KHDRBS2: variants seen among roughly 807,000 people sequenced by gnomAD.
KHDRBS2 encodes the protein KH RNA binding domain containing, signal transduction associated 2.
In KHDRBS2, 26 loss-of-function variants were observed where a neutral mutation model predicts 44.3. That is an observed-to-expected ratio of 0.59 (90% confidence interval 0.43 to 0.81). The LOEUF is 0.81. Ranked by LOEUF, KHDRBS2 falls within the 40% of genes least tolerant of loss-of-function variation. The pLI is 0.00. For synonymous variants in KHDRBS2, 194 were observed against 151.1 expected, an observed-to-expected ratio of 1.28 and a Z score of -2.08; for missense variants, 476 against 433.1, an observed-to-expected ratio of 1.10 and a Z score of -0.88.
chr6:62,265,557 A>C (rs183826545), intron 1 of KHDRBS2, among the ~76,000 whole-genome samples: 139 of 152,188 alleles, frequency 9.1e-4, no homozygotes, highest in African/African-American at 3.3e-3. Context: ...TAATTGAGGA[A>C]GGATTAAGAA....
rs1174545721 is a variant in KHDRBS2 at position 62,216,692 on chromosome 6, T to C, written c.92-39380A>G. On this transcript the variant is annotated intron_variant, in intron 1 of 8. Coordinates refer to ENST00000281156, the MANE Select transcript of KHDRBS2 (RefSeq NM_152688.4). The stretch of plus-strand genomic sequence containing the variant: ...CAAATAATCTAAACATATTTCTTTC[T>C]CCTCTTTTTTTTTTTTTTGTTTTAT... Among the ~76,000 whole-genome samples, 8 of 85,520 alleles carry C rather than the reference T, an allele frequency of 9.4e-5. 1 individual carries two copies. The highest frequency in any genetic ancestry group is 1.6e-4 in the Non-Finnish European group (7 of 44,368). The allele number at this position is 85,520 out of a possible 152,430, so 56.1% of individuals were successfully genotyped here. A position where few individuals can be genotyped will look rare whatever the true frequency, so the allele number is the denominator to read the frequency against.
rs1463259481 is a variant in KHDRBS2 at position 61,697,269 on chromosome 6, A to G, written c.894-16T>C. On this transcript the variant is annotated splice_polypyrimidine_tract_variant and intron_variant, in intron 7 of 8. Coordinates refer to ENST00000281156, the MANE Select transcript of KHDRBS2 (RefSeq NM_152688.4). ...TTCAGGCACACTGCAACAAATTTAG[A>G]TAGCAATCAATGTTACTATAACCAG... 6.5e-7 allele frequency: 1 copy of G among 1,529,528 alleles called. No individual in the cohort carries two copies. The highest frequency in any genetic ancestry group is 9.1e-7 in the Non-Finnish European group (1 of 1,103,340). The allele number at this position is 1,529,528 out of a possible 1,614,324, so 94.7% of individuals were successfully genotyped here. A position where few individuals can be genotyped will look rare whatever the true frequency, so the allele number is the denominator to read the frequency against.
chr6:61,947,332 G>A (rs1414454127), intron 4 of KHDRBS2, among the ~76,000 whole-genome samples: 1 of 152,118 alleles, frequency 6.6e-6, no homozygotes, highest in Non-Finnish European at 1.5e-5. Context: ...CACTGTTAAA[G>A]ATGCTGCCCA....
chr6:61,764,669 A>G, intron 6 of KHDRBS2, among the ~76,000 whole-genome samples: 1 of 151,894 alleles, frequency 6.6e-6, no homozygotes, highest in African/African-American at 2.4e-5. Flanking sequence ...TGCTGTATAT[A>G]TGTCTTCTTT....
chr6:61,787,472 TA>T (rs1282482951), intron 6 of KHDRBS2, among the ~76,000 whole-genome samples: 3 of 151,776 alleles, frequency 2.0e-5, no homozygotes, highest in African/African-American at 7.2e-5. Flanking sequence ...TCATCACAAA[TA>T]AAAACCGTGG....
chr6:62,113,432 C>T (rs1331864190), intron 2 of KHDRBS2, among the ~76,000 whole-genome samples: 1 of 152,026 alleles, frequency 6.6e-6, no homozygotes, highest in Non-Finnish European at 1.5e-5. Flanking sequence ...TTGGAGAAAT[C>T]ATTTTAGAGC....
At chr6:61,955,706 A>C (rs1767026882) in intron 4 of KHDRBS2, among the ~76,000 whole-genome samples, 1 of 109,200 alleles carries the variant, frequency 9.2e-6, no homozygotes, top group African/African-American at 3.8e-5. Context: ...GTGTATATAT[A>C]CACATATGTA....
chr6:62,240,623 T>G (rs1349932776), intron 1 of KHDRBS2, among the ~76,000 whole-genome samples: 1 of 144,314 alleles, frequency 6.9e-6, no homozygotes, highest in African/African-American at 2.5e-5. Context: ...CATATACACA[T>G]ATGTACACAC....
intron 1 of KHDRBS2, among the ~76,000 whole-genome samples, chr6:62,266,859 C>T (rs72870791): frequency 5.1e-4 from 78 of 152,010 alleles, no homozygotes; most frequent in Non-Finnish European, 1.0e-3. Flanking sequence ...TAATAGTGTA[C>T]AATATACAGA....
chr6:61,606,462 G>A, the KHDRBS2 span, among the ~76,000 whole-genome samples: 1 of 152,134 alleles, frequency 6.6e-6, no homozygotes, highest in Non-Finnish European at 1.5e-5. Flanking sequence ...AAAGGAAGGA[G>A]AAACAGGAGA....
chr6:61,978,314 C>T, intron 3 of KHDRBS2, 102 bp from the exon 4 acceptor site: 1 of 838,202 alleles, frequency 1.2e-6, no homozygotes, highest in Non-Finnish European at 1.8e-6. Context: ...GCAAATTTTC[C>T]ATAATTTGCT....
chr6:61,931,376 A>G (rs1810012407), intron 4 of KHDRBS2, among the ~76,000 whole-genome samples: 1 of 151,986 alleles, frequency 6.6e-6, no homozygotes, highest in African/African-American at 2.4e-5. Flanking sequence ...ACCCAAAAGA[A>G]ACTAAAGAAA....
chr6:62,074,477 C>A (rs934217399), intron 2 of KHDRBS2, among the ~76,000 whole-genome samples: 3 of 151,802 alleles, frequency 2.0e-5, no homozygotes, highest in East Asian at 1.9e-4. Context: ...TCCCGCCAAC[C>A]CTCACCTCTC....
At chr6:61,959,293 A>G (rs180879149) in intron 4 of KHDRBS2, among the ~76,000 whole-genome samples, 126 of 152,328 alleles carry the variant, frequency 8.3e-4, no homozygotes, top group African/African-American at 3.0e-3. Context: ...AAGTAAATCA[A>G]GTCTGGTAGC....
At chr6:61,617,388 G>T in the KHDRBS2 span, among the ~76,000 whole-genome samples, 1 of 151,668 alleles carries the variant, frequency 6.6e-6, no homozygotes, top group Non-Finnish European at 1.5e-5. Flanking sequence ...CAGTCTCATT[G>T]TCCTAGTTAT....
intron 2 of KHDRBS2, among the ~76,000 whole-genome samples, chr6:62,125,383 C>T (rs1808724926): frequency 6.6e-6 from 1 of 152,142 alleles, no homozygotes; most frequent in South Asian, 2.1e-4. Flanking sequence ...GGCTTAAGTG[C>T]TCTAGGGTCC....
chr6:62,033,314 G>T (rs1562686901), intron 3 of KHDRBS2, among the ~76,000 whole-genome samples: 2 of 151,974 alleles, frequency 1.3e-5, no homozygotes, highest in Non-Finnish European at 2.9e-5. Flanking sequence ...TTATAACAGA[G>T]AATTTTCCAA....
At chr6:62,017,192 G>A (rs923830260) in intron 3 of KHDRBS2, among the ~76,000 whole-genome samples, 3 of 152,088 alleles carry the variant, frequency 2.0e-5, no homozygotes, top group African/African-American at 7.2e-5. Flanking sequence ...AGGAGGCTGT[G>A]CCTAGGGTCA....
intron 4 of KHDRBS2, among the ~76,000 whole-genome samples, chr6:61,908,742 C>T (rs571146950): frequency 2.0e-5 from 3 of 151,998 alleles, no homozygotes; most frequent in African/African-American, 7.2e-5. Flanking sequence ...CTAGGCCTAC[C>T]CGTATTATGA....
Sources: gnomAD v4.1 joint callset for allele counts (sites outside exome capture counted in the v4.1 genomes callset) on GRCh38, gnomAD v4.1.1 for gene constraint, MANE v1.5 for transcripts, NCBI Gene and HGNC (gene_info 2026-07-23, HGNC 2026-07-21) for gene names.